PPM1H: variants seen among roughly 807,000 people sequenced by gnomAD.
The protein encoded by PPM1H is protein phosphatase 1H.
Under a neutral mutation model 54.9 loss-of-function variants are expected in PPM1H, and 27 were observed. The observed-to-expected ratio is 0.49, with a 90% confidence interval of 0.36 to 0.68. The LOEUF is 0.68. Among genes scored for constraint, PPM1H ranks in the 30% least tolerant of loss-of-function variants. The pLI is 0.00. For synonymous variants in PPM1H, 305 were observed against 270.8 expected (o/e 1.13, Z -1.24); for missense variants, 596 against 667.8 (o/e 0.89, Z 1.19).
At chr12:62,855,943 G>T (rs1869369369) in intron 1 of PPM1H, among the ~76,000 whole-genome samples, 1 of 152,208 alleles carries the variant, frequency 6.6e-6, no homozygotes, top group South Asian at 2.1e-4. Context: ...ATGAGACTGT[G>T]TTAAGTGTAC....
chr12:62,788,103 G>T (rs755458758), intron 4 of PPM1H, 123 bp downstream of exon 4: 117 of 686,166 alleles, frequency 1.7e-4, no homozygotes, highest in Admixed American at 3.1e-4. Flanking sequence ...GTCCTTAAAT[G>T]CATTTTCATT....
At chr12:62,843,466 A>T (rs1868833596) in intron 1 of PPM1H, among the ~76,000 whole-genome samples, 1 of 152,244 alleles carries the variant, frequency 6.6e-6, no homozygotes, top group African/African-American at 2.4e-5. Context: ...TTATTTAGGT[A>T]AATGTCCTAG....
chr12:62,830,206 T>C (rs1301863867), intron 2 of PPM1H, among the ~76,000 whole-genome samples: 4 of 152,248 alleles, frequency 2.6e-5, no homozygotes, highest in Non-Finnish European at 5.9e-5. Context: ...AGCCTCCTTC[T>C]ACCATTTGGT....
At chr12:62,692,088 G>T (rs2076086295) in intron 7 of PPM1H, among the ~76,000 whole-genome samples, 1 of 152,182 alleles carries the variant, frequency 6.6e-6, no homozygotes, top group South Asian at 2.1e-4. Context: ...GAAAGAAAAT[G>T]AGAAGTAATG....
At chr12:62,856,897 G>A (rs1295646755) in intron 1 of PPM1H, among the ~76,000 whole-genome samples, 1 of 152,038 alleles carries the variant, frequency 6.6e-6, no homozygotes, top group African/African-American at 2.4e-5. Flanking sequence ...GCTTCACAGG[G>A]TACCAGACAC....
chr12:62,892,050 C>T (rs943369128), intron 1 of PPM1H, among the ~76,000 whole-genome samples: 2 of 152,184 alleles, frequency 1.3e-5, no homozygotes, highest in African/African-American at 4.8e-5. Flanking sequence ...TGCAAAGTAT[C>T]ACAGAAACTT....
intron 1 of PPM1H, among the ~76,000 whole-genome samples, chr12:62,859,786 A>G (rs911380516): frequency 6.6e-6 from 1 of 152,202 alleles, no homozygotes; most frequent in African/African-American, 2.4e-5. Context: ...CCTTGAAAAA[A>G]CCTAAGGAGA....
At chr12:62,911,183 C>T (rs772561) in intron 1 of PPM1H, among the ~76,000 whole-genome samples, 2 of 151,918 alleles carry the variant, frequency 1.3e-5, no homozygotes, top group East Asian at 1.9e-4. Flanking sequence ...GGTCCCTACA[C>T]GGCACTCCAA....
chr12:62,843,729 A>G (rs563183547), intron 1 of PPM1H, among the ~76,000 whole-genome samples: 2 of 152,298 alleles, frequency 1.3e-5, no homozygotes, highest in Middle Eastern at 3.4e-3. Context: ...TTTTTTAAAA[A>G]GTACTTTTTA....
chr12:62,683,033 T>TTTTTTTTTTA (rs1491110813), intron 8 of PPM1H, among the ~76,000 whole-genome samples: 1 of 133,674 alleles, frequency 7.5e-6, no homozygotes, highest in Non-Finnish European at 1.6e-5. Context: ...GAGTTTATTA[T>TTTTTTTTTTA]TTATTATTAT....
At chr12:62,716,235 T>A (rs966106785) in intron 6 of PPM1H, among the ~76,000 whole-genome samples, 1 of 152,134 alleles carries the variant, frequency 6.6e-6, no homozygotes, top group African/African-American at 2.4e-5. Context: ...CACCACACAC[T>A]CTGAAGTTAC....
chr12:62,838,556 A>G (rs987325161), intron 1 of PPM1H, among the ~76,000 whole-genome samples: 1 of 152,160 alleles, frequency 6.6e-6, no homozygotes, highest in African/African-American at 2.4e-5. Context: ...AGCTCTGACC[A>G]GGAACCTAAG....
At chr12:62,687,058 T>C (rs111265138) in intron 8 of PPM1H, among the ~76,000 whole-genome samples, 401 of 152,242 alleles carry the variant, frequency 2.6e-3, no homozygotes, top group African/African-American at 9.4e-3. Flanking sequence ...TCCGGAAATG[T>C]GGAATTGGGA....
At chr12:62,731,017 C>A (rs1397023777) in intron 5 of PPM1H, among the ~76,000 whole-genome samples, 4 of 152,126 alleles carry the variant, frequency 2.6e-5, no homozygotes, top group Non-Finnish European at 5.9e-5. Context: ...TCAAAAATCT[C>A]AAAGTAACAA....
chr12:62,729,726 C>T (rs1433135020), intron 5 of PPM1H, among the ~76,000 whole-genome samples: 1 of 152,232 alleles, frequency 6.6e-6, no homozygotes, highest in Non-Finnish European at 1.5e-5. Context: ...CTACAGGATG[C>T]CCTCTTTGCT....
At chr12:62,680,287 CCTTT>C (rs1488253980) in intron 8 of PPM1H, among the ~76,000 whole-genome samples, 11 of 145,306 alleles carry the variant, frequency 7.6e-5, no homozygotes, top group Admixed American at 4.8e-4. Flanking sequence ...TCCCTTCCTT[CCTTT>C]ACTTCCTTCC....
intron 8 of PPM1H, among the ~76,000 whole-genome samples, chr12:62,688,790 G>A (rs1179289742): frequency 6.6e-6 from 1 of 152,108 alleles, no homozygotes; most frequent in African/African-American, 2.4e-5. Context: ...GAGGTCAGGA[G>A]TTCAACACCA....
intron 1 of PPM1H, among the ~76,000 whole-genome samples, chr12:62,899,331 G>C (rs1404966858): frequency 1.3e-5 from 2 of 152,108 alleles, no homozygotes; most frequent in Admixed American, 6.6e-5. Context: ...AGACACTTGG[G>C]AGGCCAAGGT....
At position 62,687,547 on chromosome 12, in the gene PPM1H, G is replaced by A. The variant is rs138042707; in HGVS notation, c.1245+2152C>T. 3.5e-3 allele frequency among the ~76,000 whole-genome samples: 527 copies of A among 151,820 alleles called. 4 individuals carry two copies. The highest frequency in any genetic ancestry group is 0.012 in the African/African-American group (498 of 41,410). On this transcript the variant is annotated intron_variant, in intron 8 of 9. Coordinates refer to ENST00000228705, the MANE Select transcript of PPM1H (RefSeq NM_020700.2). ...ATTACAGGTATGAGCCACCATAGCC[G>A]GCCTTCTTGCAGTACTTTTTTTTTT... is the stretch of plus-strand genomic sequence containing the variant.
Sources: gnomAD v4.1 joint callset for allele counts (sites outside exome capture counted in the v4.1 genomes callset) on GRCh38, gnomAD v4.1.1 for gene constraint, MANE v1.5 for transcripts, NCBI Gene and HGNC (gene_info 2026-07-23, HGNC 2026-07-21) for gene names.